Variants in CNTN4 observed in about 807,000 individuals in gnomAD.
CNTN4 encodes contactin 4.
In CNTN4, 77 loss-of-function variants were observed where a neutral mutation model predicts 122.5. The observed-to-expected ratio is 0.63, with a 90% confidence interval of 0.52 to 0.76. The LOEUF is 0.76. Ranked by LOEUF, CNTN4 falls within the 30% of genes least tolerant of loss-of-function variation. The probability of loss-of-function intolerance (pLI) is 0.00; values close to 1 mark genes in which losing one functional copy is unlikely to be tolerated. For missense variants in CNTN4, 1,256 were observed against 1,259.1 expected (o/e 1.00, Z 0.04); for synonymous variants, 512 against 447.0 (o/e 1.15, Z -1.83).
chr3:2,797,182 G>A (rs1559513178), intron 6 of CNTN4, among the ~76,000 whole-genome samples: 1 of 151,996 alleles, frequency 6.6e-6, no homozygotes, highest in Non-Finnish European at 1.5e-5. Context: ...TTAATTTTTT[G>A]TCAAGCTGGG....
intron 4 of CNTN4, among the ~76,000 whole-genome samples, chr3:2,656,798 G>C (rs1373429370): frequency 6.6e-6 from 1 of 152,152 alleles, no homozygotes; most frequent in Non-Finnish European, 1.5e-5. Flanking sequence ...GTCGGTATCT[G>C]TTCAAGTATT....
chr3:2,398,608 A>T (rs2046726228), intron 3 of CNTN4, among the ~76,000 whole-genome samples: 1 of 152,170 alleles, frequency 6.6e-6, no homozygotes. Context: ...TGCATGAGAT[A>T]TAGGGTAGAT....
intron 2 of CNTN4, among the ~76,000 whole-genome samples, chr3:2,136,952 C>G (rs1249015039): frequency 2.6e-5 from 4 of 152,188 alleles, no homozygotes; most frequent in Admixed American, 2.0e-4. Flanking sequence ...AAATGCAAAA[C>G]AAACAACCCC....
intron 3 of CNTN4, among the ~76,000 whole-genome samples, chr3:2,469,052 A>G (rs1044363802): frequency 6.6e-6 from 1 of 152,188 alleles, no homozygotes; most frequent in Non-Finnish European, 1.5e-5. Flanking sequence ...GCTCATTGCT[A>G]CTTAGATGAG....
At chr3:2,766,315 T>C (rs1446264206) in intron 6 of CNTN4, among the ~76,000 whole-genome samples, 1 of 152,188 alleles carries the variant, frequency 6.6e-6, no homozygotes, top group Non-Finnish European at 1.5e-5. Context: ...CAGTGTTAGA[T>C]ACATTTTTTA....
At chr3:2,538,920 A>G (rs759129983) in intron 3 of CNTN4, among the ~76,000 whole-genome samples, 9 of 151,892 alleles carry the variant, frequency 5.9e-5, no homozygotes, top group Non-Finnish European at 1.3e-4. Flanking sequence ...ATTTGCTTTT[A>G]TAGTACCTTT....
At chr3:2,254,113 C>A (rs867722331) in intron 2 of CNTN4, among the ~76,000 whole-genome samples, 2 of 142,444 alleles carry the variant, frequency 1.4e-5, no homozygotes, top group South Asian at 5.1e-4. Context: ...TAGTTCAACT[C>A]CCACTTATGA....
chr3:2,986,046 C>T (rs569613814), intron 13 of CNTN4, among the ~76,000 whole-genome samples: 33 of 151,848 alleles, frequency 2.2e-4, no homozygotes, highest in Middle Eastern at 3.4e-3. Context: ...CCCCAAGTAG[C>T]TGGGACTATA....
chr3:2,572,487 C>G (rs1200469566), intron 4 of CNTN4, among the ~76,000 whole-genome samples: 1 of 152,232 alleles, frequency 6.6e-6, no homozygotes, highest in Non-Finnish European at 1.5e-5. Context: ...ATACATCATT[C>G]AAGTGCTGGT....
At chr3:2,176,443 A>G (rs2036751610) in intron 2 of CNTN4, among the ~76,000 whole-genome samples, 1 of 152,104 alleles carries the variant, frequency 6.6e-6, no homozygotes, top group Non-Finnish European at 1.5e-5. Context: ...ATTATTATGT[A>G]TATTAGGAAA....
chr3:2,929,455 T>G (rs1238902167), intron 13 of CNTN4, among the ~76,000 whole-genome samples: 1 of 152,168 alleles, frequency 6.6e-6, no homozygotes, highest in African/African-American at 2.4e-5. Flanking sequence ...TATACAACAA[T>G]TGTATCAACC....
At chr3:2,705,829 TATATATA>T (rs1219322895) in intron 4 of CNTN4, among the ~76,000 whole-genome samples, 167 of 105,458 alleles carry the variant, frequency 1.6e-3, no homozygotes, top group East Asian at 4.8e-3. Context: ...ATATAATAAA[TATATATA>T]ATATATAATA....
chr3:2,224,924 G>A (rs1177373726), intron 2 of CNTN4, among the ~76,000 whole-genome samples: 1 of 152,010 alleles, frequency 6.6e-6, no homozygotes, highest in Admixed American at 6.6e-5. Flanking sequence ...GCCGAGGCGG[G>A]TGGATCACGA....
intron 3 of CNTN4, among the ~76,000 whole-genome samples, chr3:2,417,953 T>C (rs763250346): frequency 6.6e-6 from 1 of 152,040 alleles, no homozygotes; most frequent in Non-Finnish European, 1.5e-5. Context: ...ATGGGAAGAG[T>C]AAAAAGATCC....
At chr3:2,973,024 T>C (rs1009112228) in intron 13 of CNTN4, among the ~76,000 whole-genome samples, 1 of 152,092 alleles carries the variant, frequency 6.6e-6, no homozygotes, top group Admixed American at 6.5e-5. Context: ...TATCAAGTCC[T>C]TAAATGTTCT....
intron 3 of CNTN4, among the ~76,000 whole-genome samples, chr3:2,468,168 A>G (rs139659590): frequency 6.6e-6 from 1 of 152,304 alleles, no homozygotes; most frequent in East Asian, 1.9e-4. Flanking sequence ...TGGCATTTTA[A>G]TTTTCTTATT....
At chr3:2,539,676 T>C (rs552373488) in intron 3 of CNTN4, among the ~76,000 whole-genome samples, 7 of 152,150 alleles carry the variant, frequency 4.6e-5, no homozygotes, top group Non-Finnish European at 8.8e-5. Context: ...TGATTTCTTT[T>C]TATCTTTTTC....
intron 2 of CNTN4, among the ~76,000 whole-genome samples, chr3:2,241,275 A>T (rs957831668): frequency 6.6e-6 from 1 of 152,186 alleles, no homozygotes; most frequent in Admixed American, 6.5e-5. Flanking sequence ...TAGTAAATTA[A>T]TTTGTCTTTA....
chr3:2,986,156 C>G (rs1694554913), intron 13 of CNTN4, among the ~76,000 whole-genome samples: 1 of 152,104 alleles, frequency 6.6e-6, no homozygotes, highest in Non-Finnish European at 1.5e-5. Context: ...CTCAAGTGAT[C>G]CTCCTGCCTC....
Sources: allele counts gnomAD v4.1 joint callset (sites outside exome capture counted in the v4.1 genomes callset), GRCh38; gene constraint gnomAD v4.1.1; transcripts MANE v1.5; gene names NCBI Gene and HGNC (gene_info 2026-07-23, HGNC 2026-07-21).